ANKFY1: variants seen among roughly 807,000 people sequenced by gnomAD.
ANKFY1 encodes the protein ankyrin repeat and FYVE domain-containing protein 1.
Under a neutral mutation model 128.3 loss-of-function variants are expected in ANKFY1, and 47 were observed. That is an observed-to-expected ratio of 0.37 (90% CI 0.29 to 0.47). ANKFY1 has a LOEUF of 0.47. Ranked by LOEUF, ANKFY1 falls within the 20% of genes least tolerant of loss-of-function variation. ANKFY1 has a pLI of 1.00. For missense variants in ANKFY1, 1,222 were observed against 1,510.6 expected, an observed-to-expected ratio of 0.81 and a Z score of 3.17; for synonymous variants, 553 against 601.6, an observed-to-expected ratio of 0.92 and a Z score of 1.18.
Position 4,167,743 on chromosome 17 carries a change from G to T in ANKFY1, c.*36C>A. ...TGAGCAGAGCAGCTGCTGGGGAGGT[G>T]ACCAAGGACGTGGCCTGGACCCTCC... is the stretch of plus-strand genomic sequence containing the variant. On this transcript the variant is annotated 3_prime_UTR_variant, in exon 25 of 25. Transcript: ENST00000341657. This position sits in a 1 kb window ranked among gnomAD's most constrained non-coding sequence, Gnocchi z 4.1. The T allele has an allele frequency of 6.3e-7, 1 of 1,581,676 alleles. No individual in the cohort carries two copies. Among genetic ancestry groups the T allele is most frequent in the South Asian group, 1.1e-5 (1 of 87,302 alleles).
intron 1 of ANKFY1, among the ~76,000 whole-genome samples, chr17:4,243,836 A>C (rs1287467114): frequency 6.6e-6 from 1 of 152,180 alleles, no homozygotes; most frequent in African/African-American, 2.4e-5. Flanking sequence ...AGCATTTATC[A>C]GTGTTCACGA....
intron 6 of ANKFY1, among the ~76,000 whole-genome samples, chr17:4,207,609 A>T (rs943780324): frequency 3.3e-5 from 5 of 152,098 alleles, no homozygotes; most frequent in African/African-American, 1.2e-4. Context: ...GTTTTAAGCC[A>T]TTAAGTTTAT....
At chr17:4,245,761 A>AC (rs35683087) in intron 1 of ANKFY1, among the ~76,000 whole-genome samples, 42,307 of 140,398 alleles carry the variant, frequency 0.3, 7,774 homozygotes, top group Non-Finnish European at 0.37. Flanking sequence ...AAAAAAAAAA[A>AC]CAACCAGCCA....
chr17:4,217,190 A>C, intron 3 of ANKFY1, 72 bp from the exon 4 acceptor site: 8 of 1,550,148 alleles, frequency 5.2e-6, no homozygotes, highest in Non-Finnish European at 7.1e-6. Flanking sequence ...GGGATCCCTA[A>C]AATTTGAGGC....
At chr17:4,198,078 G>A (rs117989264) in intron 7 of ANKFY1, among the ~76,000 whole-genome samples, 2,137 of 151,382 alleles carry the variant, frequency 0.014, 29 homozygotes, top group Non-Finnish European at 0.023. Flanking sequence ...GCGGTGAGCT[G>A]AGACCACATC....
At chr17:4,200,849 C>G (rs1462492354) in intron 7 of ANKFY1, among the ~76,000 whole-genome samples, 1 of 152,158 alleles carries the variant, frequency 6.6e-6, no homozygotes, top group African/African-American at 2.4e-5. Context: ...CCTTTCATAT[C>G]TTACGATATC....
intron 4 of ANKFY1, among the ~76,000 whole-genome samples, chr17:4,210,506 C>T (rs1230064026): frequency 1.3e-5 from 2 of 152,044 alleles, no homozygotes; most frequent in Non-Finnish European, 2.9e-5. Flanking sequence ...GTCGGGAGTT[C>T]GAGACCAGCC....
At chr17:4,180,781 A>AAAAG (rs1230724872) in intron 16 of ANKFY1, among the ~76,000 whole-genome samples, 9 of 151,192 alleles carry the variant, frequency 6.0e-5, no homozygotes, top group East Asian at 3.9e-4. Flanking sequence ...AAAAAAAAAA[A>AAAAG]AAAGAAAGAA....
intron 3 of ANKFY1, 97 bp downstream of exon 3, chr17:4,235,675 T>G: frequency 1.2e-6 from 1 of 843,312 alleles, no homozygotes; most frequent in Non-Finnish European, 1.9e-6. Context: ...TATTTTACTT[T>G]CATTAAATCA....
chr17:4,198,714 T>A (rs1026685998), intron 7 of ANKFY1, among the ~76,000 whole-genome samples: 1 of 152,172 alleles, frequency 6.6e-6, no homozygotes, highest in Non-Finnish European at 1.5e-5. Context: ...ATAACTGACT[T>A]AATAAGAAGT....
At chr17:4,188,997 G>A (rs144703075) in intron 11 of ANKFY1, 187 of 185,018 alleles carry the variant, frequency 1.0e-3, no homozygotes, top group African/African-American at 4.3e-3. Flanking sequence ...GTTAGCGTGC[G>A]ACATAGACTC....
At chr17:4,209,295 C>G (rs7223181) in intron 5 of ANKFY1, among the ~76,000 whole-genome samples, 141,086 of 152,232 alleles carry the variant, frequency 0.93, 66,338 homozygotes, top group East Asian at 1. Flanking sequence ...TTCTGGACCT[C>G]AGCTATCTTT....
chr17:4,254,387 C>T (rs1215067769), intron 1 of ANKFY1, among the ~76,000 whole-genome samples: 1 of 144,966 alleles, frequency 6.9e-6, no homozygotes, highest in Non-Finnish European at 1.5e-5. Flanking sequence ...GAACACAGAA[C>T]AGAGAGAAAT....
chr17:4,255,904 G>A (rs566064823), intron 1 of ANKFY1, among the ~76,000 whole-genome samples: 2 of 151,398 alleles, frequency 1.3e-5, no homozygotes, highest in South Asian at 2.1e-4. Flanking sequence ...TGCAACCTCC[G>A]CTTCCCAGGT....
chr17:4,208,162 G>A (rs1233647087), intron 5 of ANKFY1, 80 bp from the exon 6 acceptor site: 4 of 1,395,944 alleles, frequency 2.9e-6, no homozygotes, highest in African/African-American at 2.9e-5. Flanking sequence ...CCTCTCAAAT[G>A]CATCAGTCAG....
In ANKFY1 at chr17:4,170,845, G is replaced by T; in HGVS notation, c.3156C>A (p.Tyr1052Ter). The T allele has an allele frequency of 6.2e-7, 1 of 1,614,224 alleles. No individual in the cohort carries two copies. ...ADGSTVLLLA[Y>*]MKGNANLCRA... Reference sequence around the variant, plus strand: ...GGCACAAGTTGGCGTTCCCTTTCATGTATGCCAGGAGCAGCACTGGAAAAC... The same window carrying T: ...GGCACAAGTTGGCGTTCCCTTTCATTTATGCCAGGAGCAGCACTGGAAAAC... Residue 1052 changes from tyrosine (Y) to a stop codon, truncating the protein, a stop_gained, in exon 23 of 25, where the codon TAC (tyrosine) becomes TAA (stop). Transcript: ENST00000341657. LOFTEE classifies it high-confidence loss of function.
intron 2 of ANKFY1, among the ~76,000 whole-genome samples, chr17:4,237,602 AAATG>A (rs1324207882): frequency 6.6e-6 from 1 of 152,224 alleles, no homozygotes; most frequent in Non-Finnish European, 1.5e-5. Context: ...AAAATTACAA[AAATG>A]AATGTTTCTA....
intron 5 of ANKFY1, among the ~76,000 whole-genome samples, chr17:4,209,308 T>TG (rs901153134): frequency 3.4e-4 from 52 of 152,006 alleles, no homozygotes; most frequent in Admixed American, 7.9e-4. Flanking sequence ...CTATCTTTTT[T>TG]GGGGGGGCGG....
intron 5 of ANKFY1, 149 bp downstream of exon 5, chr17:4,209,675 A>T (rs888496725): frequency 2.2e-6 from 2 of 901,548 alleles, no homozygotes; most frequent in Admixed American, 2.6e-5. Context: ...AGAGTCTCAT[A>T]GATCATCTAA....
Sources: gnomAD v4.1 joint callset for allele counts (sites outside exome capture counted in the v4.1 genomes callset) on GRCh38, gnomAD v4.1.1 for gene constraint, Gnocchi (gnomAD v3.1) non-coding constraint, MANE v1.5 for transcripts, NCBI Gene and HGNC (gene_info 2026-07-23, HGNC 2026-07-21) for gene names.